The following ENDOU variants were observed in gnomAD, a reference collection of about 807,000 sequenced individuals.
The protein encoded by ENDOU is endonuclease, poly(U) specific.
ENDOU carries 49 observed loss-of-function variants against 54.2 expected under a neutral mutation model. The observed-to-expected ratio is 0.90, with a 90% CI of 0.72 to 1.15. The LOEUF (loss-of-function observed/expected upper bound fraction) is 1.15. ENDOU is among the 50% of genes most tolerant of loss of function. ENDOU has a pLI of 0.00. For synonymous variants in ENDOU, 172 were observed against 190.5 expected (o/e 0.90, Z 0.80); for missense variants, 458 against 511.4 (o/e 0.90, Z 1.01).
chr12:47,716,543 G>T, intron 5 of ENDOU, 44 bp from the exon 6 acceptor site: 1 of 1,579,768 alleles, frequency 6.3e-7, no homozygotes, highest in East Asian at 2.2e-5. Context: ...CCCAAACACA[G>T]GGCAGCGACC....
chr12:47,710,985 G>T (rs1939980389), intron 9 of ENDOU, 66 bp from the exon 10 acceptor site: 6 of 1,077,726 alleles, frequency 5.6e-6, no homozygotes, highest in East Asian at 2.4e-5. Context: ...TGGGCTGGAA[G>T]GATCAAGCCC....
chr12:47,717,038 C>T lies in ENDOU; in HGVS notation c.403G>A (p.Ala135Thr). 1 of 1,614,056 alleles carries T rather than the reference C, an allele frequency of 6.2e-7. No individual in the cohort carries two copies. The highest frequency in any genetic ancestry group is 8.5e-7 in the Non-Finnish European group (1 of 1,180,002). The change falls in exon 5 of 10, where the codon GCC (alanine) becomes ACC (threonine). Residue 135 changes from alanine to threonine, a missense_variant. By Grantham distance (58) the Ala-to-Thr change is moderately conservative. Transcript: ENST00000422538. Reference sequence around the variant, plus strand: ...CTCTGAATCTCCTCTTTTGTTATGGCATCACTGCTGTGGGAGACCTCTGGG... The same window carrying T: ...CTCTGAATCTCCTCTTTTGTTATGGTATCACTGCTGTGGGAGACCTCTGGG... ...SDHEVSHSSD[A>T]ITKEEIQSIS...
Position 47,717,534 on chromosome 12 carries a change from G to A in ENDOU, c.366C>T (p.Ser122=). Residue 122 remains serine, a synonymous_variant, in exon 4 of 10, where the codon AGC becomes AGT. Transcript: ENST00000422538. ...AAGACTAACCGTGGTCACTACACAGGCTCTCAAAATCCTTGCAGCAGTTCC... is the reference window on the plus strand; with the variant it reads ...AAGACTAACCGTGGTCACTACACAGACTCTCAAAATCCTTGCAGCAGTTCC... ...EFGNCCKDFE[S]LCSDHEVSHS... The A allele has an allele frequency of 6.2e-7, 1 of 1,614,164 alleles. No individual in the cohort carries two copies. The highest frequency in any genetic ancestry group is 8.5e-7 in the Non-Finnish European group (1 of 1,179,992).
rs1407044169 is a variant in ENDOU at position 47,710,545 on chromosome 12, C to A, written c.*257G>T. The A allele has an allele frequency of 5.1e-6, 2 of 393,256 alleles. No individual in the cohort carries two copies. The highest frequency in any genetic ancestry group is 9.6e-6 in the Non-Finnish European group (2 of 207,774). 24.4% of individuals were successfully genotyped at this position (393,256 alleles called of 1,614,324 possible). A position where few individuals can be genotyped will look rare whatever the true frequency, so the allele number is the denominator to read the frequency against. On this transcript the variant is annotated 3_prime_UTR_variant, in exon 10 of 10. Coordinates refer to ENST00000422538, the MANE Select transcript of ENDOU (RefSeq NM_001172439.2). ...GGCAGAGAGCTATGGAGGGTTCCTACCTTCTCTGCTTGGACTCTGTTTCTT... is the reference window on the plus strand; with the variant it reads ...GGCAGAGAGCTATGGAGGGTTCCTAACTTCTCTGCTTGGACTCTGTTTCTT...
chr12:47,723,510 C>G (rs1940498875), intron 1 of ENDOU, among the ~76,000 whole-genome samples: 1 of 152,196 alleles, frequency 6.6e-6, no homozygotes, highest in Admixed American at 6.5e-5. Context: ...TCTGCCTCAC[C>G]TCTCTGACTC....
In ENDOU at chr12:47,709,950, G is replaced by C. The variant is rs920478597; in HGVS notation, c.*852C>G. ...AAAATAATTATGTTAATGACACCAA[G>C]CTATGGGTTCCTTCTTCTTCTGATG... On this transcript the variant is annotated 3_prime_UTR_variant, in exon 10 of 10. Transcript: ENST00000422538. The C allele has an allele frequency of 1.3e-5, 2 of 152,124 alleles. No homozygotes were observed. The highest frequency in any genetic ancestry group is 6.6e-5 in the Admixed American group (1 of 15,264). The allele number at this position is 152,124 out of a possible 1,614,324, so 9.4% of individuals were successfully genotyped here.
Position 47,717,507 on chromosome 12 carries a change from A to G in ENDOU, c.382+11T>C. 6.2e-7 allele frequency: 1 copy of G among 1,613,676 alleles called. No individual in the cohort carries two copies. The highest frequency in any genetic ancestry group is 1.1e-5 in the South Asian group (1 of 91,074). On this transcript the variant is annotated intron_variant, in intron 4 of 9. Coordinates refer to ENST00000422538, the MANE Select transcript of ENDOU (RefSeq NM_001172439.2). ...GTCTCTGCAGCTTAGCTAAGGGAGC[A>G]GAAGACTAACCGTGGTCACTACACA...
Position 47,720,739 on chromosome 12 carries a change from A to G in ENDOU, c.178+14T>C. ...GACAGGCTGGACATGCCTTCGTCTC[A>G]CAAGGAGGCTCACCAGTACACAGAT... On this transcript the variant is annotated intron_variant, in intron 2 of 9. Coordinates refer to ENST00000422538, the MANE Select transcript of ENDOU (RefSeq NM_001172439.2). 6.5e-7 allele frequency: 1 copy of G among 1,535,674 alleles called. No individual in the cohort carries two copies. The highest frequency in any genetic ancestry group is 8.7e-7 in the Non-Finnish European group (1 of 1,146,710).
At chr12:47,717,701 G>A (rs775400549) in intron 3 of ENDOU, 46 bp from the exon 4 acceptor site, 9 of 1,593,956 alleles carry the variant, frequency 5.6e-6, no homozygotes, top group South Asian at 2.2e-5. Flanking sequence ...TCTAGAGGTC[G>A]CTCTGAACGC....
intron 6 of ENDOU, among the ~76,000 whole-genome samples, chr12:47,714,028 C>T (rs1244084148): frequency 6.6e-6 from 1 of 152,200 alleles, no homozygotes; most frequent in Non-Finnish European, 1.5e-5. Flanking sequence ...GGTCAGGTCT[C>T]AGGCAAATAG....
At chr12:47,720,701 C>A (rs906597300) in intron 2 of ENDOU, 52 bp downstream of exon 2, 10 of 1,527,914 alleles carry the variant, frequency 6.5e-6, no homozygotes, top group Non-Finnish European at 8.8e-6. Context: ...ACACCCAGGC[C>A]AGTGGCCCCT....
chr12:47,710,874 A>T lies in ENDOU; in HGVS notation c.1161T>A (p.Tyr387Ter). 6.2e-7 allele frequency: 1 copy of T among 1,614,050 alleles called. No homozygotes were observed. The highest frequency in any genetic ancestry group is 8.5e-7 in the Non-Finnish European group (1 of 1,179,922). The change falls in exon 10 of 10, where the codon TAT becomes TAA. Residue 387 changes from tyrosine to a stop codon, truncating the protein, a stop_gained. Transcript: ENST00000422538. LOFTEE classifies it high-confidence loss of function. ...TCCCATAGGTGGACTTGTCCCAGGTATATGTCCGGACAGCTAAGGGATATC... is the reference window on the plus strand; with the variant it reads ...TCCCATAGGTGGACTTGTCCCAGGTTTATGTCCGGACAGCTAAGGGATATC... ...LGGYPLAVRTYTWDKSTYGNG... is the reference protein window; with the variant it reads ...LGGYPLAVRT
rs781542400 is a variant in ENDOU, at chr12:47,710,690, G to T, written c.*112C>A. The T allele has an allele frequency of 4.0e-6, 3 of 743,558 alleles. No individual in the cohort carries two copies. Among genetic ancestry groups the T allele is most frequent in the Non-Finnish European group, 4.8e-6 (2 of 413,442 alleles). 46.1% of individuals were successfully genotyped at this position (743,558 alleles called of 1,614,324 possible). ...TTGGGATTTAGGAATGCTTCTCATT[G>T]CTTTGAGATTTGGTGATCCCTTCCA... On this transcript the variant is annotated 3_prime_UTR_variant, in exon 10 of 10. Coordinates refer to ENST00000422538, the MANE Select transcript of ENDOU (RefSeq NM_001172439.2).
intron 6 of ENDOU, among the ~76,000 whole-genome samples, chr12:47,716,015 C>G (rs1428577157): frequency 6.6e-6 from 1 of 152,096 alleles, no homozygotes; most frequent in African/African-American, 2.4e-5. Context: ...GGCAGAGAAC[C>G]CTGAGACTGT....
chr12:47,710,644 T>C lies in ENDOU; in HGVS notation c.*158A>G. 1.6e-6 allele frequency: 1 copy of C among 636,688 alleles called. No homozygotes were observed. The highest frequency in any genetic ancestry group is 2.9e-6 in the Non-Finnish European group (1 of 348,622). 39.4% of individuals were successfully genotyped at this position (636,688 alleles called of 1,614,324 possible). A position where few individuals can be genotyped will look rare whatever the true frequency, so the allele number is the denominator to read the frequency against. ...ACATTTTTCTAATTTGTACATTTTA[T>C]CTCTTTCCCATGTGGGCACTTTGGG... is the stretch of plus-strand genomic sequence containing the variant. On this transcript the variant is annotated 3_prime_UTR_variant, in exon 10 of 10. Transcript: ENST00000422538.
At chr12:47,723,459 G>A (rs1409052193) in intron 1 of ENDOU, among the ~76,000 whole-genome samples, 1 of 152,158 alleles carries the variant, frequency 6.6e-6, no homozygotes, top group Non-Finnish European at 1.5e-5. Flanking sequence ...CCCAAGCCAG[G>A]TGCCTGAATC....
chr12:47,716,467 G>A lies in ENDOU; in HGVS notation c.584C>T (p.Ser195Phe). The A allele has an allele frequency of 6.2e-7, 1 of 1,613,916 alleles. No homozygotes were observed. The highest frequency in any genetic ancestry group is 8.5e-7 in the Non-Finnish European group (1 of 1,180,044). The change falls in exon 6 of 10, where the codon TCC becomes TTC. Residue 195 changes from serine (S) to phenylalanine (F), a missense_variant. Coordinates refer to ENST00000422538, the MANE Select transcript of ENDOU (RefSeq NM_001172439.2). ...GATGAAGGCTGCATAGGTGGGCTTGGAGAACAGCTTCTCATTGACATAAGT... is the reference window on the plus strand; with the variant it reads ...GATGAAGGCTGCATAGGTGGGCTTGAAGAACAGCTTCTCATTGACATAAGT... The part of the protein sequence containing the change: ...LFTYVNEKLF[S>F]KPTYAAFINL...
chr12:47,715,511 C>G (rs1395049092), intron 6 of ENDOU, among the ~76,000 whole-genome samples: 1 of 152,206 alleles, frequency 6.6e-6, no homozygotes, highest in Non-Finnish European at 1.5e-5. Flanking sequence ...GCAACTTCTT[C>G]ATAGAGTCAC....
chr12:47,722,226 G>T (rs1473578473), intron 1 of ENDOU, among the ~76,000 whole-genome samples: 2 of 152,096 alleles, frequency 1.3e-5, no homozygotes, highest in Non-Finnish European at 2.9e-5. Flanking sequence ...GGTTGGGTTT[G>T]GTTACCAGTC....
Sources: gnomAD v4.1 joint callset for allele counts (sites outside exome capture counted in the v4.1 genomes callset) on GRCh38, gnomAD v4.1.1 for gene constraint, MANE v1.5 for transcripts, NCBI Gene and HGNC (gene_info 2026-07-23, HGNC 2026-07-21) for gene names.